EIF2AK3: variants seen among roughly 807,000 people sequenced by gnomAD.
The protein encoded by EIF2AK3 is eukaryotic translation initiation factor 2-alpha kinase 3.
EIF2AK3 carries 50 observed loss-of-function variants against 113.5 expected under a neutral mutation model. That is an observed-to-expected ratio of 0.44 (90% CI 0.35 to 0.56). EIF2AK3 has a LOEUF of 0.56. EIF2AK3 is among the 20% of genes least tolerant of loss of function. The pLI, the probability that EIF2AK3 is intolerant of heterozygous loss-of-function variation, is 0.00. For missense variants in EIF2AK3, 1,185 were observed against 1,378.0 expected, an observed-to-expected ratio of 0.86 and a Z score of 2.22; for synonymous variants, 448 against 495.4, an observed-to-expected ratio of 0.90 and a Z score of 1.27.
At chr2:88,608,028 C>T (rs1675332318) in intron 2 of EIF2AK3, among the ~76,000 whole-genome samples, 1 of 152,098 alleles carries the variant, frequency 6.6e-6, no homozygotes, top group East Asian at 1.9e-4. Context: ...AATCCTAGTC[C>T]CTCCTCCACA....
In EIF2AK3 at chr2:88,574,316, A is replaced by AAAAC. The variant is rs777606537; in HGVS notation, c.2817+346_2817+349dup. On this transcript the variant is annotated intron_variant, in intron 13 of 16. Transcript: ENST00000303236. ...GGTTACTCAAAACCATAGAAAAACA[A>AAAAC]AAACAAACAAACAAACAAAAAAACA... Among the ~76,000 whole-genome samples the AAAAC allele has an allele frequency of 9.8e-5, 15 of 152,330 alleles. 1 individual carries two copies. The South Asian group carries it at 1.0e-3, about 11-fold the overall frequency.
chr2:88,575,357 A>G lies in EIF2AK3; in HGVS notation c.2126T>C (p.Ile709Thr), dbSNP rs374554600. The change falls in exon 13 of 17, where the codon ATT becomes ACT. Residue 709 changes from isoleucine (I) to threonine (T), a missense_variant. Transcript: ENST00000303236. ...RMDPFATKEH[I>T]EIIAPSPQRS... ...TTGTGGTGAAGGAGCTATGATTTCAATATGTTCTTTTGTAGCGAAAGGATC... is the reference window on the plus strand; with the variant it reads ...TTGTGGTGAAGGAGCTATGATTTCAGTATGTTCTTTTGTAGCGAAAGGATC... 18 of 1,614,060 alleles carry G rather than the reference A, an allele frequency of 1.1e-5. No individual in the cohort carries two copies. The South Asian group carries it at 1.3e-4, about 12-fold the overall frequency.
At chr2:88,579,734 T>C in intron 10 of EIF2AK3, 94 bp from the exon 11 acceptor site, 2 of 1,156,982 alleles carry the variant, frequency 1.7e-6, no homozygotes, top group Non-Finnish European at 2.5e-6. Context: ...CATAAAAATG[T>C]ATAAACTCAT....
Position 88,571,053 on chromosome 2 carries a change from A to G in EIF2AK3, c.2818-12T>C, listed in dbSNP as rs774316033. Reference sequence around the variant, plus strand: ...AATATGTTGGATGGCTGGAAAGAATACAACAGACAAAAGTACAGTGGGTGT... The same window carrying G: ...AATATGTTGGATGGCTGGAAAGAATGCAACAGACAAAAGTACAGTGGGTGT... On this transcript the variant is annotated splice_polypyrimidine_tract_variant and intron_variant, in intron 13 of 16. Transcript: ENST00000303236. 5 of 1,614,172 alleles carry G rather than the reference A, an allele frequency of 3.1e-6. No individual in the cohort carries two copies. The Admixed American group carries it at 6.7e-5, about 22-fold the overall frequency.
At chr2:88,612,449 CTT>C (rs1675479182) in intron 2 of EIF2AK3, among the ~76,000 whole-genome samples, 1 of 152,172 alleles carries the variant, frequency 6.6e-6, no homozygotes, top group Non-Finnish European at 1.5e-5. Flanking sequence ...CAATTATAAA[CTT>C]AATGTAATTT....
At chr2:88,611,421 A>G (rs1333388875) in intron 2 of EIF2AK3, among the ~76,000 whole-genome samples, 1 of 152,198 alleles carries the variant, frequency 6.6e-6, no homozygotes, top group Non-Finnish European at 1.5e-5. Flanking sequence ...TCCACTCTCA[A>G]GAAATGGTCC....
chr2:88,595,577 A>G lies in EIF2AK3; in HGVS notation c.525T>C (p.Pro175=), dbSNP rs763164566. The G allele has an allele frequency of 6.2e-7, 1 of 1,614,096 alleles. No individual in the cohort carries two copies. Among genetic ancestry groups the G allele is most frequent in the South Asian group, 1.1e-5 (1 of 91,076 alleles). The stretch of plus-strand genomic sequence containing the variant: ...ATTCAAGAAGTGATTCAACTGTGAA[A>G]GGAACTGTTTCCATGCTTTCACGGT... ...DQDRESMETV[P]FTVESLLESS... Residue 175 remains proline, a synonymous_variant, in exon 3 of 17, where the codon CCT becomes CCC. Coordinates refer to ENST00000303236, the MANE Select transcript of EIF2AK3 (RefSeq NM_004836.7).
At chr2:88,602,232 G>A (rs139713987) in intron 2 of EIF2AK3, among the ~76,000 whole-genome samples, 22 of 152,252 alleles carry the variant, frequency 1.4e-4, no homozygotes, top group Non-Finnish European at 2.6e-4. Context: ...TTCTTGATTA[G>A]TGACTCAGGC....
At chr2:88,563,500 TCACA>T (rs767741469) in intron 14 of EIF2AK3, among the ~76,000 whole-genome samples, 1 of 152,206 alleles carries the variant, frequency 6.6e-6, no homozygotes, top group South Asian at 2.1e-4. Context: ...AAGGACACCC[TCACA>T]CACTATTTGG....
intron 10 of EIF2AK3, 74 bp downstream of exon 10, chr2:88,583,356 T>TAA: frequency 2.6e-6 from 3 of 1,136,642 alleles, no homozygotes; most frequent in South Asian, 1.3e-5. Flanking sequence ...ATCCACACAT[T>TAA]AAAAAAAAAG....
At chr2:88,619,052 G>A (rs560359812) in intron 1 of EIF2AK3, among the ~76,000 whole-genome samples, 150 of 149,282 alleles carry the variant, frequency 1.0e-3, no homozygotes, top group African/African-American at 3.6e-3. Flanking sequence ...CCAATGGTAC[G>A]ATCTCTGCTC....
At chr2:88,627,834 A>G (rs1025060182), upstream of EIF2AK3, 4 of 152,594 alleles carry the variant, frequency 2.6e-5, no homozygotes, top group African/African-American at 9.7e-5. Flanking sequence ...GGTCTGCGCT[A>G]ACTGCCTCTT....
intron 3 of EIF2AK3, chr2:88,594,072 A>C: frequency 3.4e-6 from 1 of 295,486 alleles, no homozygotes. Context: ...CCTCAACACA[A>C]TGCAGATGCA....
At chr2:88,571,069 C>T (rs1573389839) in intron 13 of EIF2AK3, 28 bp from the exon 14 acceptor site, 2 of 1,613,528 alleles carry the variant, frequency 1.2e-6, no homozygotes, top group Non-Finnish European at 1.7e-6. Context: ...GACAAAAGTA[C>T]AGTGGGTGTG....
At chr2:88,606,410 C>T (rs941665494) in intron 2 of EIF2AK3, among the ~76,000 whole-genome samples, 1 of 152,124 alleles carries the variant, frequency 6.6e-6, no homozygotes, top group East Asian at 1.9e-4. Context: ...TTCAGCCATG[C>T]TAAGGGATTA....
intron 14 of EIF2AK3, among the ~76,000 whole-genome samples, chr2:88,564,339 T>G (rs1253482320): frequency 6.6e-6 from 1 of 152,160 alleles, no homozygotes; most frequent in African/African-American, 2.4e-5. Context: ...TGTGTGACTT[T>G]TTAAGGAGCA....
intron 14 of EIF2AK3, among the ~76,000 whole-genome samples, chr2:88,569,998 T>C (rs945106704): frequency 2.0e-5 from 3 of 151,908 alleles, no homozygotes; most frequent in African/African-American, 7.3e-5. Context: ...GGCAAAAATG[T>C]AAACAAATGT....
At chr2:88,593,544 C>A in intron 3 of EIF2AK3, 139 bp from the exon 4 acceptor site, 2 of 1,003,956 alleles carry the variant, frequency 2.0e-6, no homozygotes, top group Non-Finnish European at 3.0e-6. Flanking sequence ...TCATAAGAAG[C>A]ATCAGTTAGA....
Position 88,595,625 on chromosome 2 carries a change from TC to T in EIF2AK3, c.476del (p.Gly159GlufsTer42). The T allele has an allele frequency of 6.2e-7, 1 of 1,614,036 alleles. No individual in the cohort carries two copies. Among genetic ancestry groups the T allele is most frequent in the Non-Finnish European group, 8.5e-7 (1 of 1,179,960 alleles). On this transcript the variant is annotated frameshift_variant, in exon 3 of 17. Transcript: ENST00000303236. LOFTEE classifies it high-confidence loss of function. ...GGTCTTGGTCCCACTGGAAGAGGGC[TC>T]CATCCAGGGAAGGAATGATCATCTT... ...GNKMIIPSLD[G>X]ALFQWDQDRE...
Sources: allele counts gnomAD v4.1 joint callset (sites outside exome capture counted in the v4.1 genomes callset), GRCh38; gene constraint gnomAD v4.1.1; transcripts MANE v1.5; gene names NCBI Gene and HGNC (gene_info 2026-07-23, HGNC 2026-07-21).